ENG: variants seen among roughly 807,000 people sequenced by gnomAD.
ENG encodes the protein endoglin.
In ENG, 17 loss-of-function variants were observed where a neutral mutation model predicts 71.0. That is an observed-to-expected ratio of 0.24 (90% CI 0.16 to 0.36). The LOEUF is 0.36. ENG is among the 10% of genes least tolerant of loss of function. The pLI, the probability that ENG is intolerant of heterozygous loss-of-function variation, is 1.00. For missense variants in ENG, 749 were observed against 868.3 expected (o/e 0.86, Z 1.73); for synonymous variants, 360 against 366.9 (o/e 0.98, Z 0.21).
chr9:127,845,855 C>T (rs557104408), intron 1 of ENG, among the ~76,000 whole-genome samples: 96 of 152,084 alleles, frequency 6.3e-4, no homozygotes, highest in South Asian at 1.9e-3. Context: ...TACAGTTGTG[C>T]GCCACCACGC....
Position 127,824,895 on chromosome 9 carries a change from A to G in ENG, c.896T>C (p.Leu299Pro). The change falls in exon 7 of 15, where the codon CTC becomes CCC. Residue 299 changes from leucine to proline, a missense_variant. Transcript: ENST00000373203. ...ATTGAGCATCCGGGCCTCCCCCAGGAGGCCTTGAGGTGTGTCTGGGAGCTT... is the reference window on the plus strand; with the variant it reads ...ATTGAGCATCCGGGCCTCCCCCAGGGGGCCTTGAGGTGTGTCTGGGAGCTT... ...GFKLPDTPQG[L>P]LGEARMLNAS... 1 of 1,613,696 alleles carries G rather than the reference A, an allele frequency of 6.2e-7. No homozygotes were observed. The highest frequency in any genetic ancestry group is 1.1e-5 in the South Asian group (1 of 91,052).
chr9:127,827,604 C>T (rs932842056), intron 3 of ENG, among the ~76,000 whole-genome samples: 1 of 152,168 alleles, frequency 6.6e-6, no homozygotes, highest in Non-Finnish European at 1.5e-5. Context: ...CTGAATGAAA[C>T]AGCAGCAGCA....
rs892691718 is a variant in ENG, at chr9:127,838,820, C to T, written c.219+4274G>A. Among the ~76,000 whole-genome samples, 2 of 152,150 alleles carry T rather than the reference C, an allele frequency of 1.3e-5. No homozygotes were observed. Among genetic ancestry groups the T allele is most frequent in the Admixed American group, 6.5e-5 (1 of 15,272 alleles). ...CCAGCGAGATCCAGCCCCTGCCCAGCGGGGCTGTCTGCAGACCTGCCCAGC... is the reference window on the plus strand; with the variant it reads ...CCAGCGAGATCCAGCCCCTGCCCAGTGGGGCTGTCTGCAGACCTGCCCAGC... On this transcript the variant is annotated intron_variant, in intron 2 of 14. Coordinates refer to ENST00000373203, the MANE Select transcript of ENG (RefSeq NM_001114753.3). This position sits in a 1 kb window ranked among gnomAD's most constrained non-coding sequence, Gnocchi z 4.3.
intron 1 of ENG, among the ~76,000 whole-genome samples, chr9:127,844,537 C>T (rs1831125968): frequency 6.6e-6 from 1 of 152,116 alleles, no homozygotes; most frequent in Non-Finnish European, 1.5e-5. Flanking sequence ...TCAAGTGATC[C>T]TCCCACCTCG....
At chr9:127,825,161 T>C (rs949291279) in intron 6 of ENG, 70 bp downstream of exon 6, 1 of 1,612,678 alleles carries the variant, frequency 6.2e-7, no homozygotes. Context: ...GGTTCACCTT[T>C]CCAGGAAACT....
chr9:127,841,489 T>C (rs986541964), intron 2 of ENG, among the ~76,000 whole-genome samples: 2 of 151,064 alleles, frequency 1.3e-5, no homozygotes, highest in African/African-American at 4.9e-5. Context: ...ATTACCAAAT[T>C]TGAAAAAAAA....
chr9:127,854,356 G>A lies in ENG; in HGVS notation c.-1C>T. 1 of 1,587,806 alleles carries A rather than the reference G, an allele frequency of 6.3e-7. No homozygotes were observed. Among genetic ancestry groups the A allele is most frequent in the Non-Finnish European group, 8.6e-7 (1 of 1,167,668 alleles). ...CCAGAGGGAGCGTGCCGCGGTCCAT[G>A]CTGTCCACGTGGGGGCCTGTGCGCT... On this transcript the variant is annotated 5_prime_UTR_variant, in exon 1 of 15. Transcript: ENST00000373203.
At chr9:127,825,071 C>G in intron 6 of ENG, 97 bp from the exon 7 acceptor site, 1 of 1,584,012 alleles carries the variant, frequency 6.3e-7, no homozygotes, top group Non-Finnish European at 8.6e-7. Context: ...CCTGCTGTGT[C>G]CCCACTCCTG....
At chr9:127,851,308 C>T (rs1021376691) in intron 1 of ENG, among the ~76,000 whole-genome samples, 1 of 152,070 alleles carries the variant, frequency 6.6e-6, no homozygotes, top group Admixed American at 6.5e-5. Flanking sequence ...CAACCTCCAC[C>T]TCCCAGGGTC....
chr9:127,844,910 C>T (rs939453421), intron 1 of ENG, among the ~76,000 whole-genome samples: 4 of 152,148 alleles, frequency 2.6e-5, no homozygotes, highest in East Asian at 3.9e-4. Context: ...AGGGACAGGG[C>T]GAGCCGAGAA....
At chr9:127,820,297 G>A (rs548487025) in intron 8 of ENG, among the ~76,000 whole-genome samples, 2 of 152,114 alleles carry the variant, frequency 1.3e-5, no homozygotes, top group African/African-American at 2.4e-5. Flanking sequence ...GGGTTCAAGC[G>A]ATTCTCCTGC....
At chr9:127,833,910 T>C (rs934543120) in intron 2 of ENG, among the ~76,000 whole-genome samples, 1 of 152,232 alleles carries the variant, frequency 6.6e-6, no homozygotes, top group African/African-American at 2.4e-5. Context: ...CAAATAATAA[T>C]ATTTCATTTT....
At position 127,853,335 on chromosome 9, in the gene ENG, C is replaced by T. The variant is rs538017143; in HGVS notation, c.67+954G>A. Among the ~76,000 whole-genome samples the T allele has an allele frequency of 3.3e-5, 5 of 152,274 alleles. No homozygotes were observed. The South Asian group carries it at 1.0e-3, about 32-fold the overall frequency. On this transcript the variant is annotated intron_variant, in intron 1 of 14. Transcript: ENST00000373203. ...CCCCACACTCTCAGCTCATTTCTGCCCCTCTTCCCCCAAATCTGTCAGGAA... is the reference window on the plus strand; with the variant it reads ...CCCCACACTCTCAGCTCATTTCTGCTCCTCTTCCCCCAAATCTGTCAGGAA...
At chr9:127,833,056 C>T (rs777701661) in intron 2 of ENG, among the ~76,000 whole-genome samples, 2 of 152,162 alleles carry the variant, frequency 1.3e-5, no homozygotes, top group African/African-American at 4.8e-5. Context: ...TGCACCCGGC[C>T]GCTCTCACAT....
At position 127,825,864 on chromosome 9, in the gene ENG, C is replaced by T; in HGVS notation, c.524-4G>A. 1 of 1,584,912 alleles carries T rather than the reference C, an allele frequency of 6.3e-7. No individual in the cohort carries two copies. Among genetic ancestry groups the T allele is most frequent in the Non-Finnish European group, 8.6e-7 (1 of 1,165,990 alleles). On this transcript the variant is annotated splice_region_variant and splice_polypyrimidine_tract_variant and intron_variant, in intron 4 of 14. Coordinates refer to ENST00000373203, the MANE Select transcript of ENG (RefSeq NM_001114753.3). ...CAGAAGGACAGTGACCCCTGGGCTG[C>T]AGAGACACGCGCACCTCAGTCCCTT... is the stretch of plus-strand genomic sequence containing the variant.
Position 127,826,601 on chromosome 9 carries a change from G to A in ENG, c.432C>T (p.Thr144=). The change falls in exon 4 of 15, where the codon ACC becomes ACT. Residue 144 remains threonine (T), a synonymous_variant. Coordinates refer to ENST00000373203, the MANE Select transcript of ENG (RefSeq NM_001114753.3). ...NTTELPSFPK[T]QILEWAAERG... is the part of the protein sequence containing the mutation. ...TCTCAGCTGCCCACTCAAGGATCTG[G>A]GTCTTGGGGAAGGATGGCAGCTCTG... is the stretch of plus-strand genomic sequence containing the variant. 3.1e-6 allele frequency: 5 copies of A among 1,614,122 alleles called. No individual in the cohort carries two copies. Among genetic ancestry groups the A allele is most frequent in the Non-Finnish European group, 4.2e-6 (5 of 1,180,016 alleles).
At chr9:127,819,210 T>G (rs769171884) in intron 10 of ENG, 13 of 334,022 alleles carry the variant, frequency 3.9e-5, no homozygotes, top group Non-Finnish European at 6.3e-5. Context: ...GTGCTGCGAT[T>G]ACAGGCGTGA....
intron 8 of ENG, among the ~76,000 whole-genome samples, chr9:127,821,653 G>A (rs1042956327): frequency 4.0e-5 from 6 of 151,452 alleles, no homozygotes; most frequent in Non-Finnish European, 5.9e-5. Flanking sequence ...CGAGGTGGGC[G>A]GATCACAAGG....
At chr9:127,819,721 C>G in intron 9 of ENG, 61 bp from the exon 10 acceptor site, 1 of 1,585,026 alleles carries the variant, frequency 6.3e-7, no homozygotes, top group Non-Finnish European at 8.6e-7. Context: ...GGTATCCCAC[C>G]CAATACGCCC....
Sources: allele counts gnomAD v4.1 joint callset (sites outside exome capture counted in the v4.1 genomes callset), GRCh38; gene constraint gnomAD v4.1.1; non-coding constraint Gnocchi (gnomAD v3.1); transcripts MANE v1.5; gene names NCBI Gene and HGNC (gene_info 2026-07-23, HGNC 2026-07-21).